The following EPB41L2 variants were observed in gnomAD, a reference collection of about 807,000 sequenced individuals.
EPB41L2 encodes the protein erythrocyte membrane protein band 4.1 like 2, also known as band 4.1-like protein 2.
Under a neutral mutation model 113.0 loss-of-function variants are expected in EPB41L2, and 43 were observed. That is an observed-to-expected ratio of 0.38 (90% CI 0.30 to 0.49). The LOEUF (loss-of-function observed/expected upper bound fraction) is 0.49, where lower values mean the gene tolerates loss of function less well. Among genes scored for constraint, EPB41L2 ranks in the 20% least tolerant of loss-of-function variants. The probability of loss-of-function intolerance (pLI) is 0.95; values close to 1 mark genes in which losing one functional copy is unlikely to be tolerated. For synonymous variants in EPB41L2, 442 were observed against 436.7 expected, an observed-to-expected ratio of 1.01 and a Z score of -0.15; for missense variants, 1,147 against 1,223.4, an observed-to-expected ratio of 0.94 and a Z score of 0.93.
chr6:130,955,808 A>G (rs1418986317), intron 2 of EPB41L2, among the ~76,000 whole-genome samples, 186 bp downstream of exon 2: 3 of 152,138 alleles, frequency 2.0e-5, no homozygotes, highest in Non-Finnish European at 2.9e-5. Context: ...TATATAGGGG[A>G]CTTTTTTTTC....
intron 1 of EPB41L2, among the ~76,000 whole-genome samples, chr6:131,057,137 A>G (rs1797757740): frequency 6.6e-6 from 1 of 152,198 alleles, no homozygotes; most frequent in African/African-American, 2.4e-5. Flanking sequence ...GAACTGAAAC[A>G]TCAGTTCTCA....
chr6:131,030,270 T>C (rs1791870915), intron 1 of EPB41L2, among the ~76,000 whole-genome samples: 1 of 152,214 alleles, frequency 6.6e-6, no homozygotes. Context: ...AGGGCCCTCC[T>C]TGGGGCTGGA....
intron 14 of EPB41L2, chr6:130,876,856 C>G: frequency 2.5e-6 from 2 of 803,332 alleles, no homozygotes; most frequent in Non-Finnish European, 3.5e-6. Flanking sequence ...AAAATACTGA[C>G]CCAGTGTGGG....
chr6:130,939,844 G>GT (rs1463338091), intron 3 of EPB41L2, among the ~76,000 whole-genome samples: 4 of 152,160 alleles, frequency 2.6e-5, no homozygotes, highest in Non-Finnish European at 5.9e-5. Context: ...CTTTATTTTA[G>GT]TATGTGACAA....
intron 1 of EPB41L2, among the ~76,000 whole-genome samples, chr6:131,018,120 G>A (rs1361934505): frequency 6.6e-6 from 1 of 152,138 alleles, no homozygotes; most frequent in African/African-American, 2.4e-5. Flanking sequence ...ACAAGTACAG[G>A]AGTAAGCAAG....
Position 131,051,149 on chromosome 6 carries a change from C to T in EPB41L2, c.-15+12006G>A, listed in dbSNP as rs548807138. ...TAGGAAGTAGCTTCTTGACCAATAA[C>T]ATATCAGTCATCCACTCCCAGGCAC... On this transcript the variant is annotated intron_variant, in intron 1 of 19. Transcript: ENST00000337057. Among the ~76,000 whole-genome samples, 4 of 152,056 alleles carry T rather than the reference C, an allele frequency of 2.6e-5. No individual in the cohort carries two copies. The East Asian group carries it at 7.7e-4, about 29-fold the overall frequency.
intron 13 of EPB41L2, 117 bp from the exon 14 acceptor site, chr6:130,878,367 G>C (rs2128462519): frequency 8.2e-7 from 1 of 1,213,114 alleles, no homozygotes; most frequent in East Asian, 2.8e-5. Context: ...AAAAACCATA[G>C]TAAAGCAAGA....
In EPB41L2 at chr6:131,021,516, G is replaced by T. The variant is rs76015764; in HGVS notation, c.-15+41639C>A. ...AAAATGGCAATAAACAAAAAATTAG[G>T]CAGGCGTGGTGGCAGGTGCCTGTAA... On this transcript the variant is annotated intron_variant, in intron 1 of 19. Transcript: ENST00000337057. Among the ~76,000 whole-genome samples the T allele has an allele frequency of 0.02, 3,089 of 151,992 alleles. 204 individuals carry two copies. The East Asian group carries it at 0.27, about 13-fold the overall frequency.
intron 1 of EPB41L2, among the ~76,000 whole-genome samples, chr6:130,967,109 T>C (rs889261924): frequency 4.6e-5 from 7 of 152,168 alleles, no homozygotes; most frequent in African/African-American, 1.7e-4. Context: ...CCTCAGTATC[T>C]GTGGGGGATT....
In EPB41L2 at chr6:130,839,539, T is replaced by G. The variant is rs1235754318; in HGVS notation, c.*1065A>C. ...GGTGCCAGCTTTAAATGGTATAACT[T>G]TCTTGTAACCAACAGAACACCACCA... On this transcript the variant is annotated 3_prime_UTR_variant, in exon 20 of 20. Transcript: ENST00000337057. The G allele has an allele frequency of 6.6e-6, 1 of 152,208 alleles. No individual in the cohort carries two copies. The highest frequency in any genetic ancestry group is 1.5e-5 in the Non-Finnish European group (1 of 68,052). The allele number at this position is 152,208 out of a possible 1,614,324, so 9.4% of individuals were successfully genotyped here. A position where few individuals can be genotyped will look rare whatever the true frequency, so the allele number is the denominator to read the frequency against.
intron 1 of EPB41L2, among the ~76,000 whole-genome samples, chr6:130,997,298 G>T (rs368957289): frequency 6.6e-6 from 1 of 152,100 alleles, no homozygotes; most frequent in Non-Finnish European, 1.5e-5. Context: ...CACTTAAAAC[G>T]CTATTAAGAT....
chr6:130,998,640 T>A (rs1241714348), intron 1 of EPB41L2, among the ~76,000 whole-genome samples: 1 of 152,218 alleles, frequency 6.6e-6, no homozygotes, highest in East Asian at 1.9e-4. Flanking sequence ...AAAAACTATT[T>A]GATGATTTCT....
intron 11 of EPB41L2, among the ~76,000 whole-genome samples, chr6:130,889,604 C>T (rs1402666666): frequency 3.9e-5 from 6 of 152,152 alleles, no homozygotes; most frequent in African/African-American, 1.4e-4. Flanking sequence ...AGTTGTTTCA[C>T]TCATGAAAAT....
chr6:131,016,597 A>G (rs1043571150), intron 1 of EPB41L2, among the ~76,000 whole-genome samples: 2 of 151,992 alleles, frequency 1.3e-5, no homozygotes, highest in African/African-American at 4.8e-5. Flanking sequence ...CCAACATAAT[A>G]ACAGAGAGAA....
At position 130,870,117 on chromosome 6, in the gene EPB41L2, C is replaced by A; in HGVS notation, c.2053G>T (p.Glu685Ter). The A allele has an allele frequency of 6.2e-7, 1 of 1,600,968 alleles. No individual in the cohort carries two copies. The highest frequency in any genetic ancestry group is 8.5e-7 in the Non-Finnish European group (1 of 1,173,078). ...LSLQTQGSSH[E>*]TLNIVEEKKR... ...TTCTCCTCCACTATATTCAGAGTCTCATGTGAACTCTGTACAAAAAAAGAT... is the reference window on the plus strand; with the variant it reads ...TTCTCCTCCACTATATTCAGAGTCTAATGTGAACTCTGTACAAAAAAAGAT... The change falls in exon 15 of 20, where the codon GAG (glutamate) becomes TAG (stop). Residue 685 changes from glutamate (E) to a stop codon, truncating the protein, a stop_gained. Transcript: ENST00000337057. LOFTEE classifies it high-confidence loss of function.
intron 8 of EPB41L2, among the ~76,000 whole-genome samples, chr6:130,896,274 A>G (rs536851284): frequency 8.5e-5 from 13 of 152,350 alleles, no homozygotes; most frequent in South Asian, 4.1e-4. Flanking sequence ...CATTAGACCA[A>G]CTTGAGCCAT....
At chr6:131,006,258 G>C (rs1785489065) in intron 1 of EPB41L2, among the ~76,000 whole-genome samples, 1 of 151,544 alleles carries the variant, frequency 6.6e-6, no homozygotes, top group Non-Finnish European at 1.5e-5. Flanking sequence ...GGTTTCACCA[G>C]GTTGGCCAGG....
intron 1 of EPB41L2, among the ~76,000 whole-genome samples, chr6:131,032,820 T>C (rs1244038522): frequency 6.6e-6 from 1 of 152,202 alleles, no homozygotes; most frequent in Non-Finnish European, 1.5e-5. Flanking sequence ...TTATTCAATG[T>C]TACATTTAAA....
At position 130,971,997 on chromosome 6, in the gene EPB41L2, T is replaced by A. The variant is rs1293113164; in HGVS notation, c.-14-15498A>T. Among the ~76,000 whole-genome samples the A allele has an allele frequency of 2.0e-5, 3 of 152,182 alleles. No homozygotes were observed. In the East Asian group the frequency reaches 5.8e-4, roughly 29 times the overall value. On this transcript the variant is annotated intron_variant, in intron 1 of 19. Coordinates refer to ENST00000337057, the MANE Select transcript of EPB41L2 (RefSeq NM_001431.4). ...GTGATGTAGCTATAAAGCTGTTAAA[T>A]CCTTGTTTCATATTTCAATCCTAAA...
Sources: gnomAD v4.1 joint callset for allele counts (sites outside exome capture counted in the v4.1 genomes callset) on GRCh38, gnomAD v4.1.1 for gene constraint, MANE v1.5 for transcripts, NCBI Gene and HGNC (gene_info 2026-07-23, HGNC 2026-07-21) for gene names.